FAM234B: variants seen among roughly 807,000 people sequenced by gnomAD.
FAM234B encodes protein FAM234B.
In FAM234B, 33 loss-of-function variants were observed where a neutral mutation model predicts 69.3. The observed-to-expected ratio is 0.48, with a 90% CI of 0.36 to 0.64. The LOEUF (loss-of-function observed/expected upper bound fraction) is 0.64. FAM234B is among the 30% of genes least tolerant of loss of function. The probability of loss-of-function intolerance (pLI) is 0.00; values close to 1 mark genes in which losing one functional copy is unlikely to be tolerated. For synonymous variants in FAM234B, 306 were observed against 306.9 expected (o/e 1.00, Z 0.03); for missense variants, 697 against 769.7 (o/e 0.91, Z 1.12).
In FAM234B at chr12:13,059,855, A is replaced by G. The variant is rs79807939; in HGVS notation, c.532+1306A>G. Among the ~76,000 whole-genome samples, 498 of 152,230 alleles carry G rather than the reference A, an allele frequency of 3.3e-3. 1 individual carries two copies. The highest frequency in any genetic ancestry group is 5.1e-3 in the Non-Finnish European group (350 of 68,018). ...GTAAAAATCTTCCCCATCTACTTAG[A>G]TTTAGAGATGTTTTTAGTCATTTGG... On this transcript the variant is annotated intron_variant, in intron 3 of 12. Coordinates refer to ENST00000197268, the MANE Select transcript of FAM234B (RefSeq NM_020853.2).
intron 2 of FAM234B, among the ~76,000 whole-genome samples, chr12:13,057,035 T>G (rs1464053356): frequency 6.7e-6 from 1 of 150,240 alleles, no homozygotes; most frequent in East Asian, 2.0e-4. Flanking sequence ...TGGGGTGCAG[T>G]GGCATGATCT....
In FAM234B at chr12:13,075,967, C is replaced by G. The variant is rs531947830; in HGVS notation, c.1525-59C>G. ...TCTACTCTGCCTTTTCACCTGAGGA[C>G]TGTCACGTGTGGGAATGTAGCGTTA... is the stretch of plus-strand genomic sequence containing the variant. On this transcript the variant is annotated intron_variant, in intron 10 of 12. Transcript: ENST00000197268. 350 of 1,201,324 alleles carry G rather than the reference C, an allele frequency of 2.9e-4. No individual in the cohort carries two copies. The South Asian group carries it at 4.1e-3, about 14-fold the overall frequency. 74.4% of individuals were successfully genotyped at this position (1,201,324 alleles called of 1,614,324 possible). A position where few individuals can be genotyped will look rare whatever the true frequency, so the allele number is the denominator to read the frequency against.
intron 4 of FAM234B, 31 bp downstream of exon 4, chr12:13,061,794 C>T: frequency 1.3e-6 from 2 of 1,587,904 alleles, no homozygotes; most frequent in Non-Finnish European, 1.7e-6. Context: ...AAGAACTTTG[C>T]TCCTACGAGC....
At chr12:13,068,205 G>A (rs577081273) in intron 7 of FAM234B, 99 bp from the exon 8 acceptor site, 2 of 1,137,086 alleles carry the variant, frequency 1.8e-6, no homozygotes, top group South Asian at 1.4e-5. Context: ...ATACAAGAGT[G>A]TGTACAGGTG....
At chr12:13,058,347 T>A in intron 2 of FAM234B, 104 bp from the exon 3 acceptor site, 2 of 854,434 alleles carry the variant, frequency 2.3e-6, no homozygotes, top group Non-Finnish European at 4.0e-6. Context: ...CTATACCTAG[T>A]CGAGGAACTG....
intron 9 of FAM234B, 138 bp from the exon 10 acceptor site, chr12:13,071,103 A>G: frequency 3.5e-6 from 3 of 845,358 alleles, no homozygotes; most frequent in East Asian, 2.5e-5. Flanking sequence ...CGGAACACCC[A>G]GTTTGCTTGC....
intron 1 of FAM234B, among the ~76,000 whole-genome samples, chr12:13,053,313 T>A (rs1864894273): frequency 6.6e-6 from 1 of 152,240 alleles, no homozygotes; most frequent in Admixed American, 6.5e-5. Context: ...TTGATTTTTT[T>A]AATGTACCAA....
chr12:13,056,887 A>G (rs1215309415), intron 2 of FAM234B, among the ~76,000 whole-genome samples: 1 of 151,680 alleles, frequency 6.6e-6, no homozygotes, highest in Non-Finnish European at 1.5e-5. Context: ...AAGTTTTACC[A>G]TGTCAATATG....
chr12:13,063,093 G>T (rs1237993950), intron 5 of FAM234B, 118 bp downstream of exon 5: 3 of 1,216,218 alleles, frequency 2.5e-6, no homozygotes, highest in African/African-American at 1.5e-5. Flanking sequence ...CAAGGGTTTA[G>T]GTTTAAGTAA....
chr12:13,056,033 T>A, intron 2 of FAM234B, 87 bp downstream of exon 2: 1 of 1,349,690 alleles, frequency 7.4e-7, no homozygotes, highest in Non-Finnish European at 9.8e-7. Context: ...TCTTAAAACT[T>A]AATATGTGTC....
At chr12:13,069,422 A>G (rs959708263) in intron 9 of FAM234B, among the ~76,000 whole-genome samples, 5 of 152,204 alleles carry the variant, frequency 3.3e-5, no homozygotes, top group African/African-American at 1.2e-4. Flanking sequence ...GAGAGAGACA[A>G]ATAATTCAAC....
chr12:13,071,341 A>G lies in FAM234B; in HGVS notation c.1469A>G (p.Gln490Arg). Residue 490 changes from glutamine (Q) to arginine (R), a missense_variant, in exon 10 of 13, where the codon CAG (glutamine) becomes CGG (arginine). By Grantham distance (43) the Gln-to-Arg change is conservative. Transcript: ENST00000197268. ...TPATSAVTSD[Q>R]KSVFLFWAEG... Reference sequence around the variant, plus strand: ...GCCACCTCAGCAGTTACTTCAGACCAGAAGTCTGTCTTCCTCTTCTGGGCC... The same window carrying G: ...GCCACCTCAGCAGTTACTTCAGACCGGAAGTCTGTCTTCCTCTTCTGGGCC... The G allele has an allele frequency of 6.2e-7, 1 of 1,614,148 alleles. No homozygotes were observed. Among genetic ancestry groups the G allele is most frequent in the South Asian group, 1.1e-5 (1 of 91,088 alleles).
At chr12:13,051,492 G>A (rs1864876184) in intron 1 of FAM234B, among the ~76,000 whole-genome samples, 1 of 152,172 alleles carries the variant, frequency 6.6e-6, no homozygotes, top group Non-Finnish European at 1.5e-5. Flanking sequence ...CAAAATGCTT[G>A]GAAGTTTTAA....
At chr12:13,065,165 A>C (rs958893312) in intron 5 of FAM234B, among the ~76,000 whole-genome samples, 1 of 152,090 alleles carries the variant, frequency 6.6e-6, no homozygotes, top group Non-Finnish European at 1.5e-5. Context: ...CATAGCTTCC[A>C]CTCATTGTTC....
intron 2 of FAM234B, among the ~76,000 whole-genome samples, chr12:13,056,746 A>T (rs1379524303): frequency 6.6e-6 from 1 of 152,180 alleles, no homozygotes; most frequent in East Asian, 1.9e-4. Context: ...TGTGTCTACC[A>T]CCCAGCTTTA....
intron 9 of FAM234B, 147 bp from the exon 10 acceptor site, chr12:13,071,094 G>A (rs1051989841): frequency 3.2e-5 from 25 of 782,392 alleles, no homozygotes; most frequent in Non-Finnish European, 4.4e-5. Flanking sequence ...TCGTGCTCTC[G>A]GAACACCCAG....
chr12:13,056,161 C>T (rs543362527), intron 2 of FAM234B, among the ~76,000 whole-genome samples: 54 of 152,292 alleles, frequency 3.5e-4, no homozygotes, highest in African/African-American at 1.2e-3. Context: ...TGTCTGTTGG[C>T]ATTGGTCTTT....
chr12:13,082,610 T>G lies in FAM234B; in HGVS notation c.*1980T>G, dbSNP rs531933523. On this transcript the variant is annotated 3_prime_UTR_variant, in exon 13 of 13. Coordinates refer to ENST00000197268, the MANE Select transcript of FAM234B (RefSeq NM_020853.2). ...TACTTGAGTTTAAGGGCCTGGGACC[T>G]AATTTGGTTTAGTATAGAATTTGAA... is the stretch of plus-strand genomic sequence containing the variant. 2.6e-5 allele frequency: 4 copies of G among 152,230 alleles called. No individual in the cohort carries two copies. Among genetic ancestry groups the G allele is most frequent in the Non-Finnish European group, 5.9e-5 (4 of 68,036 alleles). 9.4% of individuals were successfully genotyped at this position (152,230 alleles called of 1,614,324 possible). A position where few individuals can be genotyped will look rare whatever the true frequency, so the allele number is the denominator to read the frequency against.
chr12:13,070,172 G>GATATAT (rs66463903), intron 9 of FAM234B, among the ~76,000 whole-genome samples: 227 of 139,656 alleles, frequency 1.6e-3, no homozygotes, highest in African/African-American at 5.0e-3. Flanking sequence ...ATTAAAAAAA[G>GATATAT]ATATATATAT....
Sources: gnomAD v4.1 joint callset for allele counts (sites outside exome capture counted in the v4.1 genomes callset) on GRCh38, gnomAD v4.1.1 for gene constraint, MANE v1.5 for transcripts, NCBI Gene and HGNC (gene_info 2026-07-23, HGNC 2026-07-21) for gene names.